The following PHF3 variants were observed in gnomAD, a reference collection of about 807,000 sequenced individuals.
PHF3 encodes PHD finger protein 3.
Under a neutral mutation model 178.4 loss-of-function variants are expected in PHF3, and 41 were observed. The observed-to-expected ratio is 0.23, with a 90% CI of 0.18 to 0.30. PHF3 has a LOEUF of 0.30. Ranked by LOEUF, PHF3 falls within the 10% of genes least tolerant of loss-of-function variation. PHF3 has a pLI of 1.00. For missense variants in PHF3, 2,346 were observed against 2,398.1 expected (o/e 0.98, Z 0.45); for synonymous variants, 842 against 800.5 (o/e 1.05, Z -0.88).
intron 4 of PHF3, among the ~76,000 whole-genome samples, chr6:63,687,952 A>C (rs10755432): frequency 0.55 from 83,287 of 151,814 alleles, 24,476 homozygotes; most frequent in African/African-American, 0.77. Flanking sequence ...ATGGAAGCAG[A>C]ATTTTCGATT....
intron 2 of PHF3, among the ~76,000 whole-genome samples, chr6:63,666,755 CTTT>C (rs1050386767): frequency 2.1e-5 from 3 of 142,754 alleles, no homozygotes; most frequent in Admixed American, 7.1e-5. Flanking sequence ...TGTCCCCCTC[CTTT>C]TTTTTTTTTT....
At chr6:63,683,325 T>C (rs1475073137) in intron 3 of PHF3, among the ~76,000 whole-genome samples, 1 of 152,070 alleles carries the variant, frequency 6.6e-6, no homozygotes, top group Non-Finnish European at 1.5e-5. Context: ...ATTATTTAGC[T>C]CTCTTTCTTT....
chr6:63,687,214 A>G (rs1268357396), intron 4 of PHF3, among the ~76,000 whole-genome samples: 3 of 152,198 alleles, frequency 2.0e-5, no homozygotes, highest in South Asian at 4.1e-4. Context: ...ACTTGAGGTC[A>G]GGAGTTCGAG....
intron 2 of PHF3, chr6:63,679,772 G>A (rs1766344918): frequency 1.8e-6 from 1 of 556,950 alleles, no homozygotes; most frequent in African/African-American, 1.9e-5. Context: ...GTATAATATA[G>A]CTAATACTCT....
Position 63,713,210 on chromosome 6 carries a change from A to G in PHF3, c.5622A>G (p.Gln1874=), listed in dbSNP as rs1159523287. 6.2e-7 allele frequency: 1 copy of G among 1,614,078 alleles called. No individual in the cohort carries two copies. The stretch of plus-strand genomic sequence containing the variant: ...AGCGTATGATGGGTCCTCTCTCACA[A>G]GCATCAAGGTATATAGGCCCGCAGA... ...QPQRMMGPLS[Q]ASRYIGPQNF... is the part of the protein sequence containing the mutation. Residue 1874 remains glutamine, a synonymous_variant, in exon 16 of 16, where the codon CAA becomes CAG. Coordinates refer to ENST00000262043, the MANE Select transcript of PHF3 (RefSeq NM_001370348.2).
At position 63,690,210 on chromosome 6, in the gene PHF3, C is replaced by G. The variant is rs186867593; in HGVS notation, c.2190-1527C>G. On this transcript the variant is annotated intron_variant, in intron 4 of 15. Transcript: ENST00000262043. ...TGTGTTAACATTGTTCGAAAGTTTT[C>G]TTGCTTGTCAACCCCAAATATTCTA... Among the ~76,000 whole-genome samples the G allele has an allele frequency of 2.9e-3, 441 of 152,208 alleles. 4 individuals carry two copies. Among genetic ancestry groups the G allele is most frequent in the African/African-American group, 0.01 (428 of 41,552 alleles).
chr6:63,713,100 C>T lies in PHF3; in HGVS notation c.5512C>T (p.Pro1838Ser). The change falls in exon 16 of 16, where the codon CCA becomes TCA. Residue 1838 changes from proline to serine, a missense_variant. Pro to Ser is a moderately conservative substitution (Grantham distance 74). Transcript: ENST00000262043. ...TGGATTTCCACCACATTTGCCACCT[C>T]CATTACTTCCCCCTCCAGGCTTTGG... ...MFGFPPHLPP[P>S]LLPPPGFGFA... 1 of 1,614,052 alleles carries T rather than the reference C, an allele frequency of 6.2e-7. No homozygotes were observed. The highest frequency in any genetic ancestry group is 8.5e-7 in the Non-Finnish European group (1 of 1,179,980).
chr6:63,691,979 C>T lies in PHF3; in HGVS notation c.2432C>T (p.Thr811Ile), dbSNP rs751041468. Residue 811 changes from threonine to isoleucine, a missense_variant, in exon 5 of 16, where the codon ACA (threonine) becomes ATA (isoleucine). This residue lies in a region of PHF3 where 252 missense variants were observed against 232.0 expected (regional missense o/e 1.09). Transcript: ENST00000262043. The stretch of plus-strand genomic sequence containing the variant: ...GAAAAGCTTGGATTATCAAAACACA[C>T]AACAAATGATAGAACCAAATATATA... The part of the protein sequence containing the change: ...ECEKLGLSKH[T>I]TNDRTKYIDD... The T allele has an allele frequency of 2.3e-5, 37 of 1,613,352 alleles. No individual in the cohort carries two copies. Among genetic ancestry groups the T allele is most frequent in the Non-Finnish European group, 2.8e-5 (33 of 1,179,764 alleles).
intron 2 of PHF3, among the ~76,000 whole-genome samples, chr6:63,661,664 C>CA (rs1449414248): frequency 8.5e-5 from 13 of 152,144 alleles, no homozygotes; most frequent in Admixed American, 8.5e-4. Context: ...AGTTATCTTT[C>CA]AAACAGCCTA....
intron 1 of PHF3, among the ~76,000 whole-genome samples, chr6:63,641,484 C>A (rs2149534910): frequency 6.6e-6 from 1 of 151,046 alleles, no homozygotes; most frequent in East Asian, 1.9e-4. Context: ...AGTATATAAC[C>A]TCTTTGGCCT....
At chr6:63,654,324 A>T (rs1184931035) in intron 2 of PHF3, among the ~76,000 whole-genome samples, 1 of 152,230 alleles carries the variant, frequency 6.6e-6, no homozygotes, top group Non-Finnish European at 1.5e-5. Context: ...ACGTGTAGCC[A>T]TGCAGATGAG....
chr6:63,692,387 A>G (rs1217973645), intron 5 of PHF3, among the ~76,000 whole-genome samples: 2 of 152,286 alleles, frequency 1.3e-5, no homozygotes, highest in Middle Eastern at 3.4e-3. Flanking sequence ...TTTTCAGTCC[A>G]TAAATATCTA....
chr6:63,668,345 C>T (rs959391073), intron 2 of PHF3, among the ~76,000 whole-genome samples: 2 of 152,030 alleles, frequency 1.3e-5, no homozygotes, highest in South Asian at 2.1e-4. Flanking sequence ...TCCTCCCTCC[C>T]CCTTTTTTTT....
rs537145143 is a variant in PHF3, at chr6:63,714,879, A to G, written c.*1171A>G. On this transcript the variant is annotated 3_prime_UTR_variant, in exon 16 of 16. Transcript: ENST00000262043. ...CAGTTTCATATGCCAGTTTTACTTG[A>G]AAAAAAAATATGAAAACTATTGTTA... 8 of 151,504 alleles carry G rather than the reference A, an allele frequency of 5.3e-5. No homozygotes were observed. The South Asian group carries it at 1.7e-3, about 32-fold the overall frequency. The allele number at this position is 151,504 out of a possible 1,614,324, so 9.4% of individuals were successfully genotyped here. A position where few individuals can be genotyped will look rare whatever the true frequency, so the allele number is the denominator to read the frequency against.
chr6:63,674,665 C>G (rs974380207), intron 2 of PHF3, among the ~76,000 whole-genome samples: 10 of 151,936 alleles, frequency 6.6e-5, no homozygotes, highest in Non-Finnish European at 2.9e-5. Flanking sequence ...AGGAGGTGTT[C>G]ACATATTTTC....
At chr6:63,671,787 C>A (rs2149569049) in intron 2 of PHF3, among the ~76,000 whole-genome samples, 1 of 152,278 alleles carries the variant, frequency 6.6e-6, no homozygotes, top group Admixed American at 6.5e-5. Context: ...TCCTCTGTCG[C>A]CAGGCTGGAG....
rs1267394638 is a variant in PHF3, at chr6:63,714,362, A to G, written c.*654A>G. The G allele has an allele frequency of 2.0e-5, 3 of 152,570 alleles. No individual in the cohort carries two copies. The highest frequency in any genetic ancestry group is 7.2e-5 in the African/African-American group (3 of 41,428). The allele number at this position is 152,570 out of a possible 1,614,324, so 9.5% of individuals were successfully genotyped here. ...GAAACTTGAATACTTAAGCTTGTAC[A>G]TGATCTTGTGTTTTGCTATCCTTTT... On this transcript the variant is annotated 3_prime_UTR_variant, in exon 16 of 16. Coordinates refer to ENST00000262043, the MANE Select transcript of PHF3 (RefSeq NM_001370348.2).
At chr6:63,657,750 CTCTT>C (rs531979317) in intron 2 of PHF3, among the ~76,000 whole-genome samples, 20 of 152,274 alleles carry the variant, frequency 1.3e-4, no homozygotes, top group East Asian at 5.8e-4. Context: ...GAATAAATCT[CTCTT>C]TATATATAGT....
chr6:63,685,946 T>C (rs748081615), intron 4 of PHF3, 35 bp downstream of exon 4: 1 of 1,477,850 alleles, frequency 6.8e-7, no homozygotes, highest in African/African-American at 1.4e-5. Context: ...GATGTGTACA[T>C]TGAAAATAAA....
Sources: gnomAD v4.1 joint callset for allele counts (sites outside exome capture counted in the v4.1 genomes callset) on GRCh38, gnomAD v4.1.1 for gene constraint, gnomAD v4.1.1 regional missense constraint, MANE v1.5 for transcripts, NCBI Gene and HGNC (gene_info 2026-07-23, HGNC 2026-07-21) for gene names.